Variants in ACMSD observed in about 807,000 individuals in gnomAD.
The protein encoded by ACMSD is aminocarboxymuconate semialdehyde decarboxylase.
ACMSD carries 37 observed loss-of-function variants against 45.9 expected under a neutral mutation model. The ratio of observed to expected loss-of-function variants is 0.81; its 90% CI spans 0.62 to 1.06. The LOEUF (loss-of-function observed/expected upper bound fraction) is 1.06, where lower values mean the gene tolerates loss of function less well. Ranked by LOEUF, ACMSD falls within the 50% of genes least tolerant of loss-of-function variation. The pLI is 0.00. For missense variants in ACMSD, 434 were observed against 420.9 expected (o/e 1.03, Z -0.27); for synonymous variants, 138 against 148.8 (o/e 0.93, Z 0.53).
At chr2:134,879,516 C>T (rs181251584) in intron 8 of ACMSD, among the ~76,000 whole-genome samples, 1 of 152,282 alleles carries the variant, frequency 6.6e-6, no homozygotes, top group East Asian at 1.9e-4. Context: ...CACAAATTAA[C>T]CTAAAACCCA....
intron 3 of ACMSD, among the ~76,000 whole-genome samples, chr2:134,860,163 A>G (rs148936625): frequency 1.9e-3 from 284 of 152,306 alleles, no homozygotes; most frequent in Admixed American, 3.5e-3. Flanking sequence ...CTCAGGAGAC[A>G]AAGGCACAAG....
At chr2:134,840,782 T>C (rs1686771316) in intron 1 of ACMSD, among the ~76,000 whole-genome samples, 1 of 152,202 alleles carries the variant, frequency 6.6e-6, no homozygotes, top group Admixed American at 6.5e-5. Context: ...TTTATTTCCA[T>C]AGGCTATTGG....
intron 8 of ACMSD, among the ~76,000 whole-genome samples, chr2:134,897,875 TTTTG>T (rs982333415): frequency 1.3e-5 from 2 of 149,652 alleles, no homozygotes; most frequent in South Asian, 2.1e-4. Flanking sequence ...TATTTTTTGT[TTTTG>T]TTTTTGTTTT....
intron 2 of ACMSD, among the ~76,000 whole-genome samples, chr2:134,849,860 C>CA (rs2104825748): frequency 6.6e-6 from 1 of 152,102 alleles, no homozygotes; most frequent in East Asian, 1.9e-4. Context: ...CACCTGGGAG[C>CA]ATTTTAAAGC....
intron 1 of ACMSD, among the ~76,000 whole-genome samples, chr2:134,844,147 G>C (rs571168007): frequency 6.6e-6 from 1 of 152,312 alleles, no homozygotes; most frequent in South Asian, 2.1e-4. Context: ...ATAGTTATTT[G>C]AGTCATACTT....
intron 8 of ACMSD, among the ~76,000 whole-genome samples, chr2:134,891,646 TACA>T (rs1328685590): frequency 6.6e-6 from 1 of 152,152 alleles, no homozygotes. Context: ...TGTAAATTAG[TACA>T]ACCTTTATGG....
At chr2:134,851,650 C>T (rs766880122) in intron 2 of ACMSD, among the ~76,000 whole-genome samples, 1 of 152,160 alleles carries the variant, frequency 6.6e-6, no homozygotes, top group African/African-American at 2.4e-5. Flanking sequence ...ACCATGTTGG[C>T]CAGAATTGTC....
intron 8 of ACMSD, among the ~76,000 whole-genome samples, chr2:134,881,286 C>T (rs1307038493): frequency 6.6e-6 from 1 of 152,250 alleles, no homozygotes; most frequent in Admixed American, 6.5e-5. Context: ...CAGGCATGTG[C>T]CACTGCACCT....
At chr2:134,869,708 A>G (rs1688325215) in intron 6 of ACMSD, among the ~76,000 whole-genome samples, 1 of 147,740 alleles carries the variant, frequency 6.8e-6, no homozygotes, top group South Asian at 2.1e-4. Context: ...ATAAACAAGT[A>G]TATATATATA....
chr2:134,871,041 A>T lies in ACMSD; in HGVS notation c.657A>T (p.Lys219Asn), dbSNP rs778883483. 1.1e-4 allele frequency: 184 copies of T among 1,614,014 alleles called. No individual in the cohort carries two copies. In the Admixed American group the frequency reaches 3.0e-3, roughly 26 times the overall value. The change falls in exon 7 of 10, where the codon AAA becomes AAT. Residue 219 changes from lysine to asparagine, a missense_variant. Coordinates refer to ENST00000356140, the MANE Select transcript of ACMSD (RefSeq NM_138326.3). The part of the protein sequence containing the change: ...GGVFEKFPKL[K>N]VCFAHGGGAF... ...TATTTGAGAAGTTTCCCAAACTGAA[A>T]GTGTGTTTCGCACATGGTGGTAAGA... is the stretch of plus-strand genomic sequence containing the variant.
At chr2:134,895,965 A>T (rs144250849) in intron 8 of ACMSD, among the ~76,000 whole-genome samples, 294 of 152,346 alleles carry the variant, frequency 1.9e-3, no homozygotes, top group African/African-American at 6.6e-3. Flanking sequence ...AACTACAGTA[A>T]TCAAGACTCT....
intron 5 of ACMSD, among the ~76,000 whole-genome samples, chr2:134,863,902 T>G (rs972814946): frequency 2.6e-5 from 4 of 152,170 alleles, no homozygotes; most frequent in Admixed American, 6.5e-5. Flanking sequence ...CCTTTTAATC[T>G]TTCACTTGGA....
chr2:134,892,235 T>A (rs55865348), intron 8 of ACMSD, among the ~76,000 whole-genome samples: 88,592 of 150,874 alleles, frequency 0.59, 27,749 homozygotes, highest in Middle Eastern at 0.9. Flanking sequence ...ATTTTTTTTT[T>A]AAAAAATCGG....
intron 6 of ACMSD, among the ~76,000 whole-genome samples, chr2:134,869,522 ATT>A (rs1280780915): frequency 6.6e-6 from 1 of 152,034 alleles, no homozygotes; most frequent in Non-Finnish European, 1.5e-5. Flanking sequence ...CCACAAACTT[ATT>A]TATATTGCAA....
intron 8 of ACMSD, 128 bp from the exon 9 acceptor site, chr2:134,898,213 G>A (rs1690283888): frequency 1.9e-6 from 1 of 537,060 alleles, no homozygotes; most frequent in African/African-American, 2.0e-5. Flanking sequence ...CAAGTTTTAT[G>A]TTTCTATTAA....
Position 134,838,656 on chromosome 2 carries a change from C to T in ACMSD, c.-27C>T, listed in dbSNP as rs770364386. On this transcript the variant is annotated 5_prime_UTR_variant, in exon 1 of 10. Transcript: ENST00000356140. Reference sequence around the variant, plus strand: ...GTCTCTTGATATCAAAACTTCTTTCCTTGCATGCTTCTCTGATCCTGTGGA... The same window carrying T: ...GTCTCTTGATATCAAAACTTCTTTCTTTGCATGCTTCTCTGATCCTGTGGA... 1.9e-6 allele frequency: 3 copies of T among 1,597,826 alleles called. No individual in the cohort carries two copies. Among genetic ancestry groups the T allele is most frequent in the Non-Finnish European group, 1.7e-6 (2 of 1,169,948 alleles).
rs780469282 is a variant in ACMSD, at chr2:134,838,753, A to G, written c.57+14A>G. ...GATCTAAAAAAGGTAATGGTAATTA[A>G]TTTGCTGAATTATTTCTGAAACTTC... On this transcript the variant is annotated intron_variant, in intron 1 of 9. Coordinates refer to ENST00000356140, the MANE Select transcript of ACMSD (RefSeq NM_138326.3). 2.5e-6 allele frequency: 4 copies of G among 1,591,956 alleles called. No individual in the cohort carries two copies. Among genetic ancestry groups the G allele is most frequent in the African/African-American group, 1.3e-5 (1 of 74,360 alleles).
chr2:134,844,378 G>GATTC (rs1444014321), intron 1 of ACMSD: 1 of 152,136 alleles, frequency 6.6e-6, no homozygotes, highest in Non-Finnish European at 1.5e-5. Context: ...CTGAGACAAG[G>GATTC]ATTCAGATGC....
intron 8 of ACMSD, chr2:134,877,721 G>A (rs961737173): frequency 9.9e-5 from 15 of 152,018 alleles, no homozygotes; most frequent in Admixed American, 9.8e-4. Flanking sequence ...AAGAGAAAAA[G>A]ATAGAGAGAG....
Sources: gnomAD v4.1 joint callset for allele counts (sites outside exome capture counted in the v4.1 genomes callset) on GRCh38, gnomAD v4.1.1 for gene constraint, MANE v1.5 for transcripts, NCBI Gene and HGNC (gene_info 2026-07-23, HGNC 2026-07-21) for gene names.